The following HOXC4 variants were observed in gnomAD, a reference collection of about 807,000 sequenced individuals.
The protein encoded by HOXC4 is homeobox C4, also known as homeobox protein Hox-C4.
HOXC4 carries 15 observed loss-of-function variants against 25.5 expected under a neutral mutation model. The ratio of observed to expected loss-of-function variants is 0.59; its 90% confidence interval spans 0.39 to 0.91. The LOEUF (loss-of-function observed/expected upper bound fraction) is 0.91. HOXC4 is among the 40% of genes least tolerant of loss of function. HOXC4 has a pLI of 0.00. For missense variants in HOXC4, 342 were observed against 352.4 expected (o/e 0.97, Z 0.24); for synonymous variants, 165 against 148.0 (o/e 1.11, Z -0.83).
intron 1 of HOXC4, among the ~76,000 whole-genome samples, chr12:54,042,807 T>C (rs140398287): frequency 1.4e-3 from 209 of 152,340 alleles, no homozygotes; most frequent in African/African-American, 4.7e-3. Flanking sequence ...CATCCTTTCC[T>C]ACCCCTCCCA....
At chr12:54,036,582 A>G (rs934643845) in intron 1 of HOXC4, among the ~76,000 whole-genome samples, 1 of 152,116 alleles carries the variant, frequency 6.6e-6, no homozygotes, top group Non-Finnish European at 1.5e-5. Context: ...AGTGCCCACA[A>G]CTACCACCCT....
chr12:54,045,745 G>A (rs903060898), intron 1 of HOXC4, among the ~76,000 whole-genome samples: 2 of 152,186 alleles, frequency 1.3e-5, no homozygotes, highest in African/African-American at 2.4e-5. Context: ...TTAGGTGAGT[G>A]GGGGTAGGGA....
intron 1 of HOXC4, chr12:54,028,236 A>G (rs1290315718): frequency 6.3e-6 from 1 of 158,718 alleles, no homozygotes; most frequent in Non-Finnish European, 1.3e-5. Flanking sequence ...CCACCAAACC[A>G]GTTCCCTTAC....
chr12:54,040,733 C>T (rs1259389483), intron 1 of HOXC4, among the ~76,000 whole-genome samples: 3 of 152,244 alleles, frequency 2.0e-5, no homozygotes, highest in Non-Finnish European at 4.4e-5. Context: ...ATTCCCCATA[C>T]ACTTACAAGT....
Position 54,029,618 on chromosome 12 carries a change from T to A in HOXC4, c.-124+12204T>A, listed in dbSNP as rs1940903397. ...AAACAGTCTGCAGAGGACGCTTTGC[T>A]GATTGCTTTTAGTGTGTTTTGTGCC... On this transcript the variant is annotated intron_variant, in intron 1 of 3. Coordinates refer to the HOXC4 transcript ENST00000303406. 2.5e-6 allele frequency: 4 copies of A among 1,592,218 alleles called. No individual in the cohort carries two copies. The African/African-American group carries it at 4.0e-5, about 16-fold the overall frequency.
chr12:54,052,239 A>C (rs1253938541), upstream of HOXC4, among the ~76,000 whole-genome samples: 3 of 152,342 alleles, frequency 2.0e-5, no homozygotes, highest in East Asian at 5.8e-4. Context: ...CGCCGCCGAC[A>C]CAAAGAGTGC....
At chr12:54,034,041 C>G in intron 1 of HOXC4, 1 of 697,292 alleles carries the variant, frequency 1.4e-6, no homozygotes, top group Admixed American at 2.0e-5. Context: ...TCCCCCCAAC[C>G]CCCCCTCAGC....
chr12:54,036,574 T>C (rs1249230943), intron 1 of HOXC4, among the ~76,000 whole-genome samples: 1 of 152,156 alleles, frequency 6.6e-6, no homozygotes, highest in Non-Finnish European at 1.5e-5. Flanking sequence ...TATTGAACAG[T>C]GCCCACAACT....
chr12:54,030,075 T>G (rs1940924520), intron 1 of HOXC4: 2 of 1,099,066 alleles, frequency 1.8e-6, no homozygotes, highest in Non-Finnish European at 2.5e-6. Flanking sequence ...TTTGATTCCC[T>G]AAAACAAAAT....
chr12:54,041,506 C>T (rs1300107478), intron 1 of HOXC4, among the ~76,000 whole-genome samples: 1 of 152,220 alleles, frequency 6.6e-6, no homozygotes, highest in East Asian at 1.9e-4. Context: ...ATAGTCCGGA[C>T]TGAGCTGGGC....
intron 1 of HOXC4, chr12:54,021,373 G>T (rs1032724329): frequency 6.6e-6 from 1 of 152,286 alleles, no homozygotes; most frequent in Non-Finnish European, 1.5e-5. Context: ...CGGGCAGCAC[G>T]GGAGAGGACG....
chr12:54,028,405 T>C (rs1307408535), intron 1 of HOXC4: 12 of 1,180,572 alleles, frequency 1.0e-5, no homozygotes, highest in African/African-American at 1.5e-5. Context: ...CAGCTGACTT[T>C]GTCATTTTGT....
intron 1 of HOXC4, among the ~76,000 whole-genome samples, chr12:54,017,707 G>A (rs1473971539): frequency 6.6e-6 from 1 of 152,152 alleles, no homozygotes; most frequent in Non-Finnish European, 1.5e-5. Flanking sequence ...TAGGGCGCCA[G>A]CTCTCTGCTG....
intron 1 of HOXC4, among the ~76,000 whole-genome samples, chr12:54,038,491 T>C (rs903909111): frequency 3.3e-5 from 5 of 152,188 alleles, no homozygotes; most frequent in Admixed American, 6.5e-5. Context: ...GAGGGTTTTG[T>C]GGCTTCTACG....
chr12:54,048,648 A>G (rs1221848417), intron 1 of HOXC4, among the ~76,000 whole-genome samples: 1 of 152,016 alleles, frequency 6.6e-6, no homozygotes, highest in Non-Finnish European at 1.5e-5. Context: ...CTCTATCCTT[A>G]GTTTTTCCCA....
intron 1 of HOXC4, chr12:54,021,891 A>G (rs969339840): frequency 6.6e-6 from 1 of 152,270 alleles, no homozygotes; most frequent in Admixed American, 6.5e-5. Context: ...GTGCTGTGCT[A>G]TCCCCGGACT....
At chr12:54,018,742 G>A (rs1053791656) in intron 1 of HOXC4, among the ~76,000 whole-genome samples, 3 of 152,202 alleles carry the variant, frequency 2.0e-5, no homozygotes, top group African/African-American at 7.2e-5. Flanking sequence ...TACACACCCA[G>A]GCAGACACAC....
At chr12:54,034,038 A>C (rs1245120124) in intron 1 of HOXC4, 2 of 690,222 alleles carry the variant, frequency 2.9e-6, no homozygotes, top group Non-Finnish European at 5.4e-6. Context: ...TCTTCCCCCC[A>C]ACCCCCCCTC....
At chr12:54,031,192 A>G (rs1012143442) in intron 1 of HOXC4, among the ~76,000 whole-genome samples, 3 of 152,232 alleles carry the variant, frequency 2.0e-5, no homozygotes, top group East Asian at 1.9e-4. Context: ...AAAGACCAGT[A>G]AAGAAGCACT....
Sources: gnomAD v4.1 joint callset for allele counts (sites outside exome capture counted in the v4.1 genomes callset) on GRCh38, gnomAD v4.1.1 for gene constraint, MANE v1.5 for transcripts, NCBI Gene and HGNC (gene_info 2026-07-23, HGNC 2026-07-21) for gene names.